The following TMEM116 variants were observed in gnomAD, a reference collection of about 807,000 sequenced individuals.
TMEM116 encodes the protein transmembrane protein 116.
In TMEM116, 38 loss-of-function variants were observed where a neutral mutation model predicts 44.3. The ratio of observed to expected loss-of-function variants is 0.86; its 90% CI spans 0.66 to 1.12. The LOEUF (loss-of-function observed/expected upper bound fraction) is 1.12. Among genes scored for constraint, TMEM116 ranks in the 50% most tolerant of loss-of-function variants. TMEM116 has a pLI of 0.00. For missense variants in TMEM116, 354 were observed against 401.7 expected, an observed-to-expected ratio of 0.88 and a Z score of 1.01; for synonymous variants, 132 against 144.8, an observed-to-expected ratio of 0.91 and a Z score of 0.64.
At chr12:111,974,145 G>GAA (rs895606683) in intron 4 of TMEM116, among the ~76,000 whole-genome samples, 1 of 138,802 alleles carries the variant, frequency 7.2e-6, no homozygotes, top group African/African-American at 2.6e-5. Context: ...TAAAAACAGA[G>GAA]AAAAAAAAAA....
rs1293899402 is a variant in TMEM116 at position 111,942,310 on chromosome 12, G to A, written c.315+955C>T. Reference sequence around the variant, plus strand: ...TTTTGAGACGGAGTCTCTCTCTGTCGCCCAGGCTGGAGTGCAGTGTGGCAT... The same window carrying A: ...TTTTGAGACGGAGTCTCTCTCTGTCACCCAGGCTGGAGTGCAGTGTGGCAT... On this transcript the variant is annotated intron_variant, in intron 5 of 10. Transcript: ENST00000552374. Among the ~76,000 whole-genome samples the A allele has an allele frequency of 2.6e-5, 4 of 151,180 alleles. No individual in the cohort carries two copies. In the South Asian group the frequency reaches 8.4e-4, roughly 32 times the overall value.
chr12:111,941,985 CT>C (rs1366354215), intron 5 of TMEM116, among the ~76,000 whole-genome samples: 1 of 152,178 alleles, frequency 6.6e-6, no homozygotes, highest in Non-Finnish European at 1.5e-5. Context: ...GTTGCCCAGG[CT>C]GGAGTGCAAT....
intron 4 of TMEM116, among the ~76,000 whole-genome samples, chr12:111,991,402 T>C (rs937199764): frequency 1.3e-5 from 2 of 150,218 alleles, no homozygotes; most frequent in Admixed American, 6.7e-5. Flanking sequence ...TGGGCGCCTG[T>C]AGTCCCAGCT....
chr12:111,979,502 G>A (rs1353635111), intron 4 of TMEM116, among the ~76,000 whole-genome samples: 1 of 152,028 alleles, frequency 6.6e-6, no homozygotes, highest in Non-Finnish European at 1.5e-5. Flanking sequence ...ATGGGTACAG[G>A]GTTTCCTTTT....
intron 3 of TMEM116, among the ~76,000 whole-genome samples, chr12:111,999,274 T>C (rs554412384): frequency 2.1e-4 from 32 of 152,276 alleles, no homozygotes; most frequent in African/African-American, 7.5e-4. Context: ...GTTCTTCTAT[T>C]TACAAAGAGG....
chr12:111,978,261 C>T (rs983804001), intron 4 of TMEM116, among the ~76,000 whole-genome samples: 2 of 151,980 alleles, frequency 1.3e-5, no homozygotes, highest in African/African-American at 4.8e-5. Context: ...GTTAGCCAGG[C>T]ATGGTGGTGC....
intron 4 of TMEM116, among the ~76,000 whole-genome samples, chr12:111,966,277 G>A (rs1279426495): frequency 2.6e-5 from 4 of 152,118 alleles, no homozygotes; most frequent in Non-Finnish European, 4.4e-5. Flanking sequence ...CTGCACTCCA[G>A]CCTGGGCAAC....
At chr12:111,950,787 C>A (rs2073676888) in intron 4 of TMEM116, among the ~76,000 whole-genome samples, 1 of 152,038 alleles carries the variant, frequency 6.6e-6, no homozygotes, top group South Asian at 2.1e-4. Context: ...GATTTCATGA[C>A]AAAGACATCA....
At chr12:111,997,238 A>C (rs1054418161) in intron 3 of TMEM116, among the ~76,000 whole-genome samples, 1 of 152,184 alleles carries the variant, frequency 6.6e-6, no homozygotes, top group Non-Finnish European at 1.5e-5. Context: ...TATATCTCAC[A>C]ATAAAAAAAT....
chr12:112,005,675 T>C (rs951589147), intron 1 of TMEM116: 1 of 985,492 alleles, frequency 1.0e-6, no homozygotes, highest in African/African-American at 1.7e-5. Context: ...AAAAGAAACC[T>C]GGGAGAGAAA....
chr12:111,958,231 C>A (rs1411387032), intron 4 of TMEM116, among the ~76,000 whole-genome samples: 279 of 143,052 alleles, frequency 2.0e-3, no homozygotes, highest in Non-Finnish European at 2.8e-3. Flanking sequence ...TATGACCCTG[C>A]CAAATCCCCC....
chr12:111,988,842 A>C (rs2076381299), intron 4 of TMEM116, among the ~76,000 whole-genome samples: 1 of 151,222 alleles, frequency 6.6e-6, no homozygotes, highest in Non-Finnish European at 1.5e-5. Flanking sequence ...AATACAAAAA[A>C]TAAGCCAGGT....
chr12:111,966,358 G>A (rs1474208537), intron 4 of TMEM116, among the ~76,000 whole-genome samples: 2 of 152,066 alleles, frequency 1.3e-5, no homozygotes, highest in Admixed American at 6.6e-5. Context: ...AGGTGATCTC[G>A]TCAACTACTT....
At chr12:111,941,101 G>T (rs922855529) in intron 5 of TMEM116, among the ~76,000 whole-genome samples, 1 of 152,162 alleles carries the variant, frequency 6.6e-6, no homozygotes, top group Admixed American at 6.5e-5. Flanking sequence ...GAGTAGGCCG[G>T]GCGCGTTGGC....
chr12:111,991,174 G>A (rs1221798463), intron 4 of TMEM116, among the ~76,000 whole-genome samples: 4 of 139,184 alleles, frequency 2.9e-5, no homozygotes, highest in East Asian at 2.4e-4. Context: ...AGCCAAGATC[G>A]CGCCACTGCA....
At chr12:112,008,181 T>C (rs1040493207) in intron 1 of TMEM116, among the ~76,000 whole-genome samples, 1 of 151,896 alleles carries the variant, frequency 6.6e-6, no homozygotes, top group Non-Finnish European at 1.5e-5. Context: ...AGTGAAACCC[T>C]GTGTTAAAAA....
intron 4 of TMEM116, among the ~76,000 whole-genome samples, chr12:111,949,614 C>T (rs915203169): frequency 9.9e-5 from 15 of 152,026 alleles, no homozygotes; most frequent in South Asian, 4.2e-4. Flanking sequence ...TGGTAAAAAT[C>T]GCAATTATGG....
chr12:111,940,523 G>GTGTATATATATATATA (rs1452904726), intron 5 of TMEM116, among the ~76,000 whole-genome samples: 2 of 104,936 alleles, frequency 1.9e-5, no homozygotes, highest in East Asian at 1.3e-3. Context: ...ATATATATGT[G>GTGTATATATATATATA]TATATATATA....
Position 112,009,848 on chromosome 12 carries a change from A to C in TMEM116, c.-34+3154T>G, listed in dbSNP as rs12321782. 6.1e-3 allele frequency among the ~76,000 whole-genome samples: 935 copies of C among 152,194 alleles called. 10 individuals are homozygous for C. Among genetic ancestry groups the C allele is most frequent in the African/African-American group, 0.021 (880 of 41,540 alleles). On this transcript the variant is annotated intron_variant, in intron 1 of 10. Coordinates refer to ENST00000552374, the MANE Select transcript of TMEM116 (RefSeq NM_001193531.2). ...GTGACCAAGTGACTCTGTCTCAAAA[A>C]AAAAAAAAACAAAACAAAACCTACT...
Sources: allele counts gnomAD v4.1 joint callset (sites outside exome capture counted in the v4.1 genomes callset), GRCh38; gene constraint gnomAD v4.1.1; transcripts MANE v1.5; gene names NCBI Gene and HGNC (gene_info 2026-07-23, HGNC 2026-07-21).